Variants in TTLL8 observed in about 807,000 individuals in gnomAD.
TTLL8 encodes the protein tubulin tyrosine ligase like 8.
Under a neutral mutation model 77.8 loss-of-function variants are expected in TTLL8, and 65 were observed. The ratio of observed to expected loss-of-function variants is 0.84; its 90% CI spans 0.68 to 1.03. The LOEUF (loss-of-function observed/expected upper bound fraction) is 1.03, where lower values mean the gene tolerates loss of function less well. Ranked by LOEUF, TTLL8 falls within the 50% of genes least tolerant of loss-of-function variation. TTLL8 has a pLI of 0.00. For missense variants in TTLL8, 910 were observed against 1,004.5 expected (o/e 0.91, Z 1.27); for synonymous variants, 402 against 422.8 (o/e 0.95, Z 0.60).
At chr22:50,054,080 A>G (rs1025210417) in intron 1 of TTLL8, among the ~76,000 whole-genome samples, 1 of 152,194 alleles carries the variant, frequency 6.6e-6, no homozygotes, top group Non-Finnish European at 1.5e-5. Flanking sequence ...GTGCACCTGC[A>G]GTCTGTGCAC....
At chr22:50,049,996 A>G (rs1468334228) in intron 2 of TTLL8, 113 bp downstream of exon 4, 3 of 1,217,874 alleles carry the variant, frequency 2.5e-6, no homozygotes, top group Non-Finnish European at 3.2e-6. Context: ...GAGATACCCC[A>G]TCACGCACAC....
chr22:50,044,187 G>A lies in TTLL8; in HGVS notation c.643+1068C>T, dbSNP rs183677310. 1.5e-3 allele frequency among the ~76,000 whole-genome samples: 225 copies of A among 152,192 alleles called. 2 individuals are homozygous for A. The highest frequency in any genetic ancestry group is 8.1e-4 in the Non-Finnish European group (55 of 68,016). On this transcript the variant is annotated intron_variant, in intron 6 of 13. Coordinates refer to ENST00000266182, the Ensembl canonical transcript of TTLL8. This position sits in a 1 kb window ranked among gnomAD's most constrained non-coding sequence, Gnocchi z 4.2. ...TAAAAATACAAAACATTAGCCGGGC[G>A]TGGTGGTGGGCACCCAACTACTCGG...
chr22:50,046,184 G>C (rs1488265596), intron 4 of TTLL8, among the ~76,000 whole-genome samples: 1 of 152,212 alleles, frequency 6.6e-6, no homozygotes, highest in Non-Finnish European at 1.5e-5. Flanking sequence ...GTGCAGGCCA[G>C]GCTCAGACGC....
rs199819799 is a variant in TTLL8, at chr22:50,047,142, G to T, written c.393+26C>A. On this transcript the variant is annotated intron_variant, in intron 4 of 13. Transcript: ENST00000266182. ...CTCCCCACCACCCTTGCCGGCTCCC[G>T]CCACGCTCAAGCGCGGCCGGCTCAC... The T allele has an allele frequency of 2.2e-6, 3 of 1,365,180 alleles. No homozygotes were observed. The South Asian group carries it at 3.4e-5, about 16-fold the overall frequency. 84.6% of individuals were successfully genotyped at this position (1,365,180 alleles called of 1,614,324 possible).
At chr22:50,030,436 C>T in exon 12 of TTLL8, 5 of 1,331,462 alleles carry the variant, frequency 3.8e-6, no homozygotes, top group South Asian at 1.2e-5. Flanking sequence ...TTACCTTTTC[C>T]TCCGGGCGGC....
At chr22:50,021,186 CACTCCTCCATCTGATGTGT>C (rs2061196028) in intron 12 of TTLL8, among the ~76,000 whole-genome samples, 1 of 140,408 alleles carries the variant, frequency 7.1e-6, no homozygotes, top group African/African-American at 2.7e-5. Flanking sequence ...ATCTGACGTG[CACTCCTCCATCTGATGTGT>C]ACTCCTCCAT....
At chr22:50,018,879 A>G (rs2061180382) in intron 12 of TTLL8, among the ~76,000 whole-genome samples, 88 bp from the exon 14 acceptor site, 1 of 152,238 alleles carries the variant, frequency 6.6e-6, no homozygotes, top group Admixed American at 6.5e-5. Context: ...TTGAGCAGAA[A>G]GAAAGTGGTT....
intron 12 of TTLL8, among the ~76,000 whole-genome samples, chr22:50,022,647 CATCT>C (rs2061211604): frequency 6.6e-6 from 1 of 152,258 alleles, no homozygotes. Context: ...TGCACTCCTC[CATCT>C]GACGATGTGT....
intron 8 of TTLL8, among the ~76,000 whole-genome samples, chr22:50,038,216 C>A (rs1472611728): frequency 6.6e-6 from 1 of 152,118 alleles, no homozygotes; most frequent in Non-Finnish European, 1.5e-5. Context: ...AACTTTGTAC[C>A]CAGTGACCTT....
chr22:50,030,257 C>A (rs2061277034), intron 12 of TTLL8, 173 bp downstream of exon 13: 13 of 985,258 alleles, frequency 1.3e-5, no homozygotes, highest in Non-Finnish European at 1.6e-5. Context: ...GGGACAGGTG[C>A]CCCAACCCCG....
exon 4 of TTLL8, chr22:50,047,224 G>C (rs1399719832): frequency 7.3e-7 from 1 of 1,367,556 alleles, no homozygotes; most frequent in East Asian, 4.5e-5. Context: ...TCGTAGGTCA[G>C]GCTGTGATAG....
intron 12 of TTLL8, among the ~76,000 whole-genome samples, chr22:50,026,019 C>G (rs956048356): frequency 2.6e-5 from 4 of 152,214 alleles, no homozygotes; most frequent in Non-Finnish European, 1.5e-5. Context: ...AGTGGTGCCA[C>G]TCTTGGACAC....
upstream of TTLL8, chr22:50,056,718 C>G: frequency 1.0e-6 from 1 of 982,378 alleles, no homozygotes; most frequent in East Asian, 1.1e-4. This position sits in a 1 kb window ranked among gnomAD's most constrained non-coding sequence, Gnocchi z 4.1. Context: ...CCGCCTGGAC[C>G]GTCCAAGAGA....
At chr22:50,030,737 T>C in exon 12 of TTLL8, 1 of 1,322,704 alleles carries the variant, frequency 7.6e-7, no homozygotes, top group African/African-American at 1.5e-5. Context: ...GCTGGAGAGC[T>C]GGTGATGGGG....
At chr22:50,036,243 C>T (rs1282751719) in intron 8 of TTLL8, among the ~76,000 whole-genome samples, 1 of 152,220 alleles carries the variant, frequency 6.6e-6, no homozygotes, top group African/African-American at 2.4e-5. Flanking sequence ...CCGGGAATCT[C>T]CCCTGGACGC....
chr22:50,047,011 G>A (rs1033716844), intron 4 of TTLL8, 157 bp downstream of exon 6: 17 of 876,834 alleles, frequency 1.9e-5, no homozygotes, highest in African/African-American at 3.6e-5. Flanking sequence ...GGTGGGCACC[G>A]AGTGATTCTG....
intron 12 of TTLL8, among the ~76,000 whole-genome samples, chr22:50,029,667 G>C (rs933939301): frequency 9.2e-5 from 14 of 152,262 alleles, no homozygotes; most frequent in African/African-American, 1.9e-4. Context: ...GGAGGCGGAG[G>C]CTGCAGTGAG....
intron 12 of TTLL8, among the ~76,000 whole-genome samples, chr22:50,026,563 C>T (rs774093850): frequency 1.3e-5 from 2 of 152,212 alleles, no homozygotes; most frequent in Admixed American, 6.5e-5. Flanking sequence ...CAGACCGTGC[C>T]GCTCCACCTG....
exon 11 of TTLL8, chr22:50,031,823 C>T (rs764974961): frequency 2.2e-6 from 3 of 1,366,988 alleles, no homozygotes; most frequent in East Asian, 4.5e-5. Context: ...GAATTGATCT[C>T]GATCAGCCAG....
Sources: gnomAD v4.1 joint callset for allele counts (sites outside exome capture counted in the v4.1 genomes callset) on GRCh38, gnomAD v4.1.1 for gene constraint, Gnocchi (gnomAD v3.1) non-coding constraint, MANE v1.5 for transcripts, NCBI Gene and HGNC (gene_info 2026-07-23, HGNC 2026-07-21) for gene names.